Variants in TAF1 observed in about 807,000 individuals in gnomAD.
TAF1 encodes the protein transcription initiation factor TFIID subunit 1.
TAF1 carries 2 observed loss-of-function variants against 138.5 expected under a neutral mutation model. The ratio of observed to expected loss-of-function variants is 0.01; its 90% confidence interval spans 0.01 to 0.05. The LOEUF (loss-of-function observed/expected upper bound fraction) is 0.05. TAF1 is among the 10% of genes least tolerant of loss of function. The pLI, the probability that TAF1 is intolerant of heterozygous loss-of-function variation, is 1.00. For missense variants in TAF1, 709 were observed against 1,478.0 expected, an observed-to-expected ratio of 0.48 and a Z score of 8.53; for synonymous variants, 437 against 503.2, an observed-to-expected ratio of 0.87 and a Z score of 1.76.
intron 14 of TAF1, among the ~76,000 whole-genome samples, chrX:71,386,714 C>T (rs1211603882): frequency 8.9e-6 from 1 of 112,914 alleles, no homozygotes; most frequent in Non-Finnish European, 1.9e-5. Context: ...ATCTACCTGC[C>T]TCGGCTTCCC....
At chrX:71,385,625 C>G (rs953042159) in intron 14 of TAF1, among the ~76,000 whole-genome samples, 2 of 111,352 alleles carry the variant, frequency 1.8e-5, no homozygotes, top group Admixed American at 1.9e-4. Context: ...TTTCATTTCT[C>G]TTGGCAATCT....
chrX:71,381,594 C>A, intron 8 of TAF1, 149 bp from the exon 9 acceptor site: 1 of 568,248 alleles, frequency 1.8e-6, no homozygotes, highest in Non-Finnish European at 2.7e-6. Flanking sequence ...GAGAAATACA[C>A]TGTGTAGGTT....
Position 71,406,693 on chromosome X carries a change from C to T in TAF1, c.4054C>T (p.Pro1352Ser). The T allele has an allele frequency of 8.3e-7, 1 of 1,210,927 alleles. No homozygotes were observed. The highest frequency in any genetic ancestry group is 1.1e-6 in the Non-Finnish European group (1 of 895,294). ...LVLKFPKQQLPPKKKRRVGTT... is the reference protein window; with the variant it reads ...LVLKFPKQQLSPKKKRRVGTT... ...TCTCAAGTTTCCTAAACAGCAGCTT[C>T]CTCCAAAGAAGAAACGGCGAGTTGG... is the stretch of plus-strand genomic sequence containing the variant. The change falls in exon 26 of 38, where the codon CCT (proline) becomes TCT (serine). Residue 1352 changes from proline (P) to serine (S), a missense_variant. By Grantham distance (74) the Pro-to-Ser change is moderately conservative. Coordinates refer to ENST00000423759, the MANE Select transcript of TAF1 (RefSeq NM_004606.5).
downstream of TAF1, among the ~76,000 whole-genome samples, chrX:71,466,967 G>C (rs2038772725): frequency 9.6e-6 from 1 of 103,655 alleles, no homozygotes; most frequent in African/African-American, 3.5e-5. Context: ...AGAGGAAAAA[G>C]TTCTTGACTC....
chrX:71,416,790 A>G (rs1464292453), intron 28 of TAF1: 1 of 255,902 alleles, frequency 3.9e-6, no homozygotes, highest in Non-Finnish European at 7.3e-6. Flanking sequence ...TCCTCTAGGT[A>G]TCATCCAGTG....
intron 34 of TAF1, among the ~76,000 whole-genome samples, chrX:71,456,655 T>C (rs926689135): frequency 1.1e-4 from 2 of 17,729 alleles, no homozygotes; most frequent in Non-Finnish European, 2.0e-4. Context: ...TTTTCTTTTT[T>C]TTTTTTTTTT....
chrX:71,374,974 A>G (rs749093766), intron 3 of TAF1, among the ~76,000 whole-genome samples, 193 bp from the exon 4 acceptor site: 1 of 107,557 alleles, frequency 9.3e-6, no homozygotes, highest in African/African-American at 3.4e-5. Flanking sequence ...AATCCCAGCT[A>G]CTCAGGAGGC....
chrX:71,459,366 C>G, intron 35 of TAF1, 186 bp from the exon 36 acceptor site: 1 of 1,013,225 alleles, frequency 9.9e-7, no homozygotes, highest in Non-Finnish European at 1.3e-6. Flanking sequence ...CTTAGTGAGC[C>G]CCAATCTGAC....
intron 3 of TAF1, chrX:71,368,711 C>T (rs1356876635): frequency 2.0e-5 from 2 of 101,278 alleles, no homozygotes; most frequent in African/African-American, 7.2e-5. Flanking sequence ...ACTCGGGAGG[C>T]TGAGGCAGGA....
intron 13 of TAF1, among the ~76,000 whole-genome samples, chrX:71,503,298 GTATATA>G (rs1161129315): frequency 6.2e-5 from 5 of 80,283 alleles, no homozygotes; most frequent in South Asian, 5.6e-4. Flanking sequence ...ATATATATGT[GTATATA>G]TATATATATA....
intron 32 of TAF1, among the ~76,000 whole-genome samples, chrX:71,442,815 A>G (rs1342562542): frequency 3.6e-5 from 4 of 111,955 alleles, no homozygotes; most frequent in Middle Eastern, 4.6e-3. Context: ...TAAGTCTTTA[A>G]TCCATCTTGA....
intron 13 of TAF1, among the ~76,000 whole-genome samples, chrX:71,502,954 G>C (rs9782535): frequency 0.011 from 1,216 of 108,120 alleles, 14 homozygotes; most frequent in African/African-American, 0.04. Context: ...AAAAAAAAAA[G>C]AAAAACAAAA....
intron 13 of TAF1, 84 bp downstream of exon 13, chrX:71,384,219 T>TTA (rs1468323482): frequency 1.9e-6 from 2 of 1,065,600 alleles, no homozygotes; most frequent in African/African-American, 3.7e-5. Flanking sequence ...CTTTTTGTTA[T>TTA]TAACATAGCT....
At chrX:71,411,074 C>T (rs748590249) in intron 28 of TAF1, among the ~76,000 whole-genome samples, 1 of 110,802 alleles carries the variant, frequency 9.0e-6, no homozygotes, top group Non-Finnish European at 1.9e-5. Context: ...TGAGCCACTA[C>T]ACCCGGCTGA....
At chrX:71,522,982 G>C (rs1453180980) in intron 13 of TAF1, among the ~76,000 whole-genome samples, 1 of 109,139 alleles carries the variant, frequency 9.2e-6, no homozygotes, top group Non-Finnish European at 1.9e-5. Context: ...AGGAGTTCAA[G>C]ACCAGCCTGG....
At position 71,373,901 on chromosome X, in the gene TAF1, T is replaced by C. The variant is rs772834367; in HGVS notation, c.353-1266T>C. 4.6e-5 allele frequency among the ~76,000 whole-genome samples: 5 copies of C among 109,859 alleles called. No homozygotes were observed. The South Asian group carries it at 1.9e-3, about 42-fold the overall frequency. ...AGTGTGTCATCTCTCATTTGAGAGA[T>C]GAAAGACCAGTCTTAAGGGAAACTG... On this transcript the variant is annotated intron_variant, in intron 3 of 37. Coordinates refer to ENST00000423759, the MANE Select transcript of TAF1 (RefSeq NM_004606.5).
rs1158875877 is a variant in TAF1 at position 71,454,790 on chromosome X, A to C, written c.4871A>C (p.Glu1624Ala). 8.3e-7 allele frequency: 1 copy of C among 1,209,670 alleles called. No homozygotes were observed. Among genetic ancestry groups the C allele is most frequent in the Non-Finnish European group, 1.1e-6 (1 of 895,254 alleles). ...GAGAAGGATATTTGTACTGCTAAAG[A>C]AGCAGCTTTGGAGGAAGCAGAATTA... ...QLEKDICTAKEAALEEAELES... is the reference protein window; with the variant it reads ...QLEKDICTAKAAALEEAELES... The change falls in exon 34 of 38, where the codon GAA becomes GCA. Residue 1624 changes from glutamate (E) to alanine (A), a missense_variant. This residue lies in a region of TAF1 where 6 missense variants were observed against 30.2 expected (regional missense o/e 0.20). Transcript: ENST00000423759.
Position 71,408,064 on chromosome X carries a change from G to A in TAF1, c.4297G>A (p.Glu1433Lys), listed in dbSNP as rs757655997. The A allele has an allele frequency of 8.3e-7, 1 of 1,211,556 alleles. No homozygotes were observed. The highest frequency in any genetic ancestry group is 2.2e-5 in the Admixed American group (1 of 45,954). The change falls in exon 28 of 38, where the codon GAA becomes AAA. Residue 1433 changes from glutamate to lysine, a missense_variant. Glu to Lys is a moderately conservative substitution (Grantham distance 56). Coordinates refer to ENST00000423759, the MANE Select transcript of TAF1 (RefSeq NM_004606.5). ...GCCAATGGACCTACAAACACTCCGC[G>A]AAAACGTGCGTAAACGCCTCTACCC... ...TRPMDLQTLR[E>K]NVRKRLYPSR... is the part of the protein sequence containing the mutation.
At chrX:71,459,453 G>A in intron 35 of TAF1, 99 bp from the exon 36 acceptor site, 1 of 1,100,489 alleles carries the variant, frequency 9.1e-7, no homozygotes, top group South Asian at 2.3e-5. Flanking sequence ...GCAAGTGGAG[G>A]GATGGGCGGG....
Sources: allele counts gnomAD v4.1 joint callset (sites outside exome capture counted in the v4.1 genomes callset), GRCh38; gene constraint gnomAD v4.1.1; regional missense constraint gnomAD v4.1.1; transcripts MANE v1.5; gene names NCBI Gene and HGNC (gene_info 2026-07-23, HGNC 2026-07-21).